Variants in GTF2F1 observed in about 807,000 individuals in gnomAD.
The protein encoded by GTF2F1 is general transcription factor IIF subunit 1, also known as general transcription factor IIF 74 kDa subunit.
A neutral mutation model predicts 63.5 loss-of-function variants in GTF2F1; 39 were observed. The observed-to-expected ratio is 0.61, with a 90% CI of 0.48 to 0.80. The LOEUF (loss-of-function observed/expected upper bound fraction) is 0.80, where lower values mean the gene tolerates loss of function less well. Among genes scored for constraint, GTF2F1 ranks in the 30% least tolerant of loss-of-function variants. The pLI is 0.00. For missense variants in GTF2F1, 657 were observed against 718.3 expected, an observed-to-expected ratio of 0.91 and a Z score of 0.97; for synonymous variants, 287 against 285.3, an observed-to-expected ratio of 1.01 and a Z score of -0.06.
Position 6,381,310 on chromosome 19 carries a change from C to CG in GTF2F1, c.1018+48dup. Reference sequence around the variant, plus strand: ...GGGGAGAGGGGAGGAGGTGGCAGGGCGCCAGGGCCCGACCCAAGCCTCCAA... The same window carrying CG: ...GGGGAGAGGGGAGGAGGTGGCAGGGCGGCCAGGGCCCGACCCAAGCCTCCAA... On this transcript the variant is annotated intron_variant, in intron 9 of 12. Coordinates refer to ENST00000394456, the MANE Select transcript of GTF2F1 (RefSeq NM_002096.3). This position sits in a 1 kb window ranked among gnomAD's most constrained non-coding sequence, Gnocchi z 4.1. The CG allele has an allele frequency of 6.5e-7, 1 of 1,540,712 alleles. No individual in the cohort carries two copies.
intron 3 of GTF2F1, 169 bp from the exon 4 acceptor site, chr19:6,389,806 G>A: frequency 3.5e-6 from 2 of 576,664 alleles, no homozygotes; most frequent in East Asian, 2.9e-5. Context: ...CTGGGTAAAG[G>A]GAATTTGGGC....
chr19:6,390,018 A>G (rs958627199), intron 3 of GTF2F1, among the ~76,000 whole-genome samples: 1 of 152,192 alleles, frequency 6.6e-6, no homozygotes, highest in Non-Finnish European at 1.5e-5. Flanking sequence ...AAAAATGTCT[A>G]AGTACCTAGA....
Position 6,381,996 on chromosome 19 carries a change from G to A in GTF2F1, c.683-146C>T. ...CTACACCTCCAGGGCCAGCCCAGGA[G>A]CTCAGCTCTCCTAAACAAACTCCCG... On this transcript the variant is annotated intron_variant, in intron 6 of 12. Coordinates refer to ENST00000394456, the MANE Select transcript of GTF2F1 (RefSeq NM_002096.3). The surrounding 1 kb of genome is among the most constrained non-coding windows in gnomAD (Gnocchi z 4.1). 1.5e-6 allele frequency: 1 copy of A among 671,278 alleles called. No homozygotes were observed. The highest frequency in any genetic ancestry group is 2.5e-6 in the Non-Finnish European group (1 of 398,360). 41.6% of individuals were successfully genotyped at this position (671,278 alleles called of 1,614,324 possible). A position where few individuals can be genotyped will look rare whatever the true frequency, so the allele number is the denominator to read the frequency against.
intron 5 of GTF2F1, chr19:6,387,009 G>A (rs1044929991): frequency 8.3e-6 from 2 of 240,102 alleles, no homozygotes; most frequent in South Asian, 6.0e-5. Context: ...AACTGCACCC[G>A]CCCCACCTCT....
intron 2 of GTF2F1, 107 bp downstream of exon 2, chr19:6,392,750 C>G: frequency 9.0e-7 from 1 of 1,113,950 alleles, no homozygotes; most frequent in South Asian, 1.3e-5. Context: ...CTCTCCCGGT[C>G]TGGAGGGAGA....
chr19:6,392,513 A>C, intron 2 of GTF2F1: 1 of 536,098 alleles, frequency 1.9e-6, no homozygotes, highest in Non-Finnish European at 3.5e-6. Context: ...TGGCAGAGGA[A>C]CAGGATGTAC....
chr19:6,383,925 T>C lies in GTF2F1; in HGVS notation c.498-430A>G, dbSNP rs962780298. ...AATTCTCCTGACTCAGCCTCCCAGA[T>C]AGCCGGGGTTCCAGGCGCCTGCCAC... On this transcript the variant is annotated intron_variant, in intron 5 of 12. Transcript: ENST00000394456. This position sits in a 1 kb window ranked among gnomAD's most constrained non-coding sequence, Gnocchi z 4.5. 1.3e-5 allele frequency among the ~76,000 whole-genome samples: 2 copies of C among 150,874 alleles called. No individual in the cohort carries two copies. The highest frequency in any genetic ancestry group is 2.9e-5 in the Non-Finnish European group (2 of 67,942).
Position 6,383,685 on chromosome 19 carries a change from C to T in GTF2F1, c.498-190G>A, listed in dbSNP as rs2091963711. ...CAGCCCTTCCTGCCTTCCCGTTCTG[C>T]CCCGAGTCCCTCAAAGAGCAGGTCC... is the stretch of plus-strand genomic sequence containing the variant. On this transcript the variant is annotated intron_variant, in intron 5 of 12. Coordinates refer to ENST00000394456, the MANE Select transcript of GTF2F1 (RefSeq NM_002096.3). The surrounding 1 kb of genome is among the most constrained non-coding windows in gnomAD (Gnocchi z 4.5). Among the ~76,000 whole-genome samples, 2 of 152,244 alleles carry T rather than the reference C, an allele frequency of 1.3e-5. No individual in the cohort carries two copies. The highest frequency in any genetic ancestry group is 4.1e-4 in the South Asian group (2 of 4,834).
rs7257794 is a variant in GTF2F1, at chr19:6,379,698, C to T, written c.*583G>A. The T allele has an allele frequency of 0.011, 1,670 of 156,028 alleles. 17 individuals are homozygous for T. The highest frequency in any genetic ancestry group is 0.038 in the African/African-American group (1,570 of 41,180). 9.7% of individuals were successfully genotyped at this position (156,028 alleles called of 1,614,324 possible). Reference sequence around the variant, plus strand: ...CAAGTGAATCTCGTGCCTCAGCCTACGGAACAGCTGGGACAACAGGCTCCC... The same window carrying T: ...CAAGTGAATCTCGTGCCTCAGCCTATGGAACAGCTGGGACAACAGGCTCCC... On this transcript the variant is annotated 3_prime_UTR_variant, in exon 13 of 13. Transcript: ENST00000394456.
chr19:6,389,355 C>G, intron 4 of GTF2F1, 89 bp downstream of exon 4: 2 of 1,148,210 alleles, frequency 1.7e-6, no homozygotes, highest in Non-Finnish European at 1.2e-6. Flanking sequence ...ATCTGAGGTT[C>G]AGAGAGGGTA....
At chr19:6,389,670 C>T (rs2091988945) in intron 3 of GTF2F1, 33 bp from the exon 4 acceptor site, 2 of 1,599,134 alleles carry the variant, frequency 1.3e-6, no homozygotes, top group Non-Finnish European at 1.7e-6. Context: ...CTCTCAGGGT[C>T]CCTGGCTTTG....
At position 6,383,161 on chromosome 19, in the gene GTF2F1, C is replaced by CA; in HGVS notation, c.682+149dup. On this transcript the variant is annotated intron_variant, in intron 6 of 12. Coordinates refer to ENST00000394456, the MANE Select transcript of GTF2F1 (RefSeq NM_002096.3). This position sits in a 1 kb window ranked among gnomAD's most constrained non-coding sequence, Gnocchi z 4.5. ...AGGTGATCTGCCTGCCTCAGCCTCT[C>CA]AAAGTGCTGGGATGACAGGCGTGAG... 1.3e-6 allele frequency: 1 copy of CA among 791,472 alleles called. No homozygotes were observed. Among genetic ancestry groups the CA allele is most frequent in the Non-Finnish European group, 2.0e-6 (1 of 491,368 alleles). The allele number at this position is 791,472 out of a possible 1,614,324, so 49.0% of individuals were successfully genotyped here. A position where few individuals can be genotyped will look rare whatever the true frequency, so the allele number is the denominator to read the frequency against.
chr19:6,392,338 G>A lies in GTF2F1; in HGVS notation c.60-364C>T, dbSNP rs115637950. 2.0e-3 allele frequency: 953 copies of A among 479,036 alleles called. 10 individuals carry two copies. Among genetic ancestry groups the A allele is most frequent in the African/African-American group, 0.017 (883 of 51,172 alleles). The allele number at this position is 479,036 out of a possible 1,614,324, so 29.7% of individuals were successfully genotyped here. A position where few individuals can be genotyped will look rare whatever the true frequency, so the allele number is the denominator to read the frequency against. On this transcript the variant is annotated intron_variant, in intron 2 of 12. Transcript: ENST00000394456. ...AGAGCAGATGGAGGGACGAAGATTTGGGGGAACCCAAGATGTGGAGATTAT... is the reference window on the plus strand; with the variant it reads ...AGAGCAGATGGAGGGACGAAGATTTAGGGGAACCCAAGATGTGGAGATTAT...
intron 5 of GTF2F1, among the ~76,000 whole-genome samples, chr19:6,386,405 CAAACAA>C (rs2091974104): frequency 6.6e-6 from 1 of 151,826 alleles, no homozygotes; most frequent in African/African-American, 2.4e-5. Context: ...AACACACAAA[CAAACAA>C]ACAAACAAAA....
intron 3 of GTF2F1, 27 bp from the exon 4 acceptor site, chr19:6,389,664 CAGGGTCCCTGGCT>C (rs1251513113): frequency 6.2e-7 from 1 of 1,605,212 alleles, no homozygotes; most frequent in Non-Finnish European, 8.5e-7. Flanking sequence ...CAAAGCCTCT[CAGGGTCCCTGGCT>C]TTGCTTGCGC....
chr19:6,389,517 C>T lies in GTF2F1; in HGVS notation c.253G>A (p.Gly85Ser), dbSNP rs2091987873. The T allele has an allele frequency of 3.1e-6, 5 of 1,614,224 alleles. No individual in the cohort carries two copies. Among genetic ancestry groups the T allele is most frequent in the Non-Finnish European group, 2.5e-6 (3 of 1,180,034 alleles). Residue 85 changes from glycine to serine, a missense_variant, in exon 4 of 13, where the codon GGC becomes AGC. Gly to Ser is a moderately conservative substitution (Grantham distance 56). Coordinates refer to ENST00000394456, the MANE Select transcript of GTF2F1 (RefSeq NM_002096.3). ...GGCCGGAACTCCTTGAGGACGATGC[C>T]GTACTTCTTCCTCCGAGCCTCCTCC... is the stretch of plus-strand genomic sequence containing the variant. ...LREEARRKKYGIVLKEFRPED... is the reference protein window; with the variant it reads ...LREEARRKKYSIVLKEFRPED...
In GTF2F1 at chr19:6,381,506, C is replaced by T; in HGVS notation, c.899-28G>A. The T allele has an allele frequency of 1.2e-6, 2 of 1,608,868 alleles. No homozygotes were observed. ...GGGAGGGGCAGGGTATGAGCAAGAG[C>T]AGGGAAGCACCGCCCCCATCTCCCC... On this transcript the variant is annotated intron_variant, in intron 8 of 12. Transcript: ENST00000394456. The surrounding 1 kb of genome is among the most constrained non-coding windows in gnomAD (Gnocchi z 4.1).
intron 5 of GTF2F1, among the ~76,000 whole-genome samples, chr19:6,385,197 C>T (rs976714634): frequency 1.3e-5 from 2 of 151,870 alleles, no homozygotes; most frequent in African/African-American, 4.8e-5. Context: ...GAGTTGGAGA[C>T]CAGCCTGGGC....
At chr19:6,387,659 G>C in intron 4 of GTF2F1, 100 bp from the exon 5 acceptor site, 1 of 884,126 alleles carries the variant, frequency 1.1e-6, no homozygotes. Context: ...GCCATAGGAG[G>C]AAGACCAAGA....
Sources: gnomAD v4.1 joint callset for allele counts (sites outside exome capture counted in the v4.1 genomes callset) on GRCh38, gnomAD v4.1.1 for gene constraint, Gnocchi (gnomAD v3.1) non-coding constraint, MANE v1.5 for transcripts, NCBI Gene and HGNC (gene_info 2026-07-23, HGNC 2026-07-21) for gene names.